EXD1: variants seen among roughly 807,000 people sequenced by gnomAD.
EXD1 encodes the protein exonuclease 3'-5' domain containing 1, also known as piRNA biogenesis protein EXD1.
In EXD1, 63 loss-of-function variants were observed where a neutral mutation model predicts 49.1. The ratio of observed to expected loss-of-function variants is 1.28; its 90% confidence interval spans 1.05 to 1.58. The LOEUF (loss-of-function observed/expected upper bound fraction) is 1.58. EXD1 is among the 40% of genes most tolerant of loss of function. The probability of loss-of-function intolerance (pLI) is 0.00; values close to 1 mark genes in which losing one functional copy is unlikely to be tolerated. For synonymous variants in EXD1, 234 were observed against 239.2 expected (o/e 0.98, Z 0.20); for missense variants, 748 against 666.0 (o/e 1.12, Z -1.36).
chr15:41,199,739 GTC>G lies in EXD1; in HGVS notation c.535-3704_535-3703del, dbSNP rs373166704. On this transcript the variant is annotated intron_variant, in intron 7 of 11. Transcript: ENST00000458580. ...ATGATATATTATATATGATATATAT[GTC>G]ATATATTATATATGATACATATATG... Among the ~76,000 whole-genome samples the G allele has an allele frequency of 1.1e-3, 84 of 79,254 alleles. 7 individuals are homozygous for G. The highest frequency in any genetic ancestry group is 2.8e-3 in the African/African-American group (55 of 19,316). 52.0% of individuals were successfully genotyped at this position (79,254 alleles called of 152,430 possible).
intron 7 of EXD1, among the ~76,000 whole-genome samples, chr15:41,199,768 T>TATATAATATATCACATATATG (rs1566980823): frequency 5.2e-5 from 7 of 134,122 alleles, no homozygotes; most frequent in South Asian, 2.2e-4. Context: ...ACATATATGA[T>TATATAATATATCACATATATG]ATATATGTCA....
At position 41,184,162 on chromosome 15, in the gene EXD1, C is replaced by T; in HGVS notation, c.1488G>A (p.Gln496=). The part of the protein sequence containing the change: ...EHFMTPKHEF[Q]ASLSLKEETE... ...TCTCCTCTTTCAAAGATAAACTTGC[C>T]TGAAACTCATGTTTGGGTGTCATAA... The change falls in exon 12 of 12, where the codon CAG becomes CAA. Residue 496 remains glutamine (Q), a synonymous_variant. Transcript: ENST00000458580. The T allele has an allele frequency of 1.9e-6, 3 of 1,614,170 alleles. No homozygotes were observed. Among genetic ancestry groups the T allele is most frequent in the Non-Finnish European group, 2.5e-6 (3 of 1,180,038 alleles).
chr15:41,222,510 T>C (rs2047104073), intron 2 of EXD1, among the ~76,000 whole-genome samples: 1 of 152,222 alleles, frequency 6.6e-6, no homozygotes, highest in Non-Finnish European at 1.5e-5. Flanking sequence ...CAAGCACTTC[T>C]AGGTACGAAT....
intron 2 of EXD1, among the ~76,000 whole-genome samples, chr15:41,222,134 G>A (rs1437768357): frequency 1.3e-5 from 2 of 151,970 alleles, no homozygotes; most frequent in African/African-American, 2.4e-5. Flanking sequence ...TTCAAACGGG[G>A]CCAGGCACGG....
intron 2 of EXD1, among the ~76,000 whole-genome samples, chr15:41,224,093 C>T (rs993200652): frequency 5.9e-4 from 90 of 152,006 alleles, no homozygotes; most frequent in Non-Finnish European, 1.3e-4. Context: ...GTGCCCGCCA[C>T]CATGCCCGGC....
intron 6 of EXD1, among the ~76,000 whole-genome samples, chr15:41,211,795 T>TAAAAAA (rs57945609): frequency 2.5e-5 from 3 of 119,612 alleles, no homozygotes; most frequent in African/African-American, 6.8e-5. Context: ...CCTCATTTCT[T>TAAAAAA]AAAAAAAAAA....
rs1227449213 is a variant in EXD1 at position 41,191,476 on chromosome 15, A to G, written c.830T>C (p.Leu277Pro). The G allele has an allele frequency of 1.7e-5, 28 of 1,612,174 alleles. No homozygotes were observed. Among genetic ancestry groups the G allele is most frequent in the Non-Finnish European group, 2.1e-5 (25 of 1,178,582 alleles). Reference sequence around the variant, plus strand: ...TTTTTGTCTCTTTTCTAGAAAGGAGAGATATTTAGGGGCTACTTGAAGGTG... The same window carrying G: ...TTTTTGTCTCTTTTCTAGAAAGGAGGGATATTTAGGGGCTACTTGAAGGTG... ...IKHLQVAPKY[L>P]SFLEKRQKLI... The change falls in exon 10 of 12, where the codon CTC becomes CCC. Residue 277 changes from leucine (L) to proline (P), a missense_variant. By Grantham distance (98) the Leu-to-Pro change is moderately conservative. Coordinates refer to ENST00000458580, the MANE Select transcript of EXD1 (RefSeq NM_001286441.2).
chr15:41,214,059 C>T (rs1050893886), intron 6 of EXD1, among the ~76,000 whole-genome samples: 4 of 151,918 alleles, frequency 2.6e-5, no homozygotes, highest in African/African-American at 7.3e-5. Flanking sequence ...CCCAGCTACT[C>T]GGGAGGCTGA....
chr15:41,193,998 G>GTTTTTT (rs2046571329), intron 9 of EXD1, among the ~76,000 whole-genome samples: 1 of 128,480 alleles, frequency 7.8e-6, no homozygotes, highest in African/African-American at 3.0e-5. Context: ...AATGACAAGT[G>GTTTTTT]ATTTTTTTTT....
intron 10 of EXD1, 27 bp downstream of exon 10, chr15:41,191,415 G>C: frequency 1.3e-6 from 2 of 1,528,824 alleles, no homozygotes; most frequent in Non-Finnish European, 1.8e-6. Context: ...AAAAAATAAT[G>C]TCATACAGGA....
chr15:41,220,315 G>C (rs1459774382), intron 2 of EXD1, among the ~76,000 whole-genome samples: 1 of 151,104 alleles, frequency 6.6e-6, no homozygotes, highest in African/African-American at 2.4e-5. Context: ...CTGTCACGTA[G>C]GCTGCAGTGC....
chr15:41,221,878 G>A (rs956277154), intron 2 of EXD1, among the ~76,000 whole-genome samples: 2 of 151,908 alleles, frequency 1.3e-5, no homozygotes, highest in Non-Finnish European at 2.9e-5. Flanking sequence ...GAGGCGGGTG[G>A]ATCATGAGGT....
intron 1 of EXD1, among the ~76,000 whole-genome samples, chr15:41,227,181 A>G (rs776417669): frequency 2.0e-5 from 3 of 152,224 alleles, no homozygotes; most frequent in Admixed American, 6.5e-5. Context: ...GGCAAGTAGG[A>G]CAATAGTGGT....
At chr15:41,197,251 G>A (rs1280696110) in intron 7 of EXD1, among the ~76,000 whole-genome samples, 2 of 139,842 alleles carry the variant, frequency 1.4e-5, no homozygotes, top group Admixed American at 7.5e-5. Context: ...TTTTTGAGAC[G>A]GAGTCTTGCT....
At chr15:41,205,702 GGAAGGAGGGAAGGAGA>G (rs371038342) in intron 7 of EXD1, among the ~76,000 whole-genome samples, 20,389 of 140,136 alleles carry the variant, frequency 0.15, 2,440 homozygotes, top group African/African-American at 0.35. Flanking sequence ...AAAAAAGTAA[GGAAGGAGGGAAGGAGA>G]GAAGGAGGGA....
intron 7 of EXD1, among the ~76,000 whole-genome samples, chr15:41,205,271 A>AGGG (rs2046804126): frequency 1.3e-5 from 2 of 152,260 alleles, no homozygotes; most frequent in East Asian, 3.9e-4. Flanking sequence ...TTGGAACAGG[A>AGGG]GGGTAGAGGG....
At chr15:41,206,754 T>C (rs561673983) in intron 7 of EXD1, among the ~76,000 whole-genome samples, 1 of 148,364 alleles carries the variant, frequency 6.7e-6, no homozygotes, top group Non-Finnish European at 1.5e-5. Flanking sequence ...CATTAGTAGC[T>C]AGGATTATAG....
In EXD1 at chr15:41,203,944, A is replaced by AAAAC. The variant is rs2046776904; in HGVS notation, c.534+5556_534+5557insGTTT. Among the ~76,000 whole-genome samples the AAAAC allele has an allele frequency of 5.3e-4, 74 of 139,920 alleles. 1 individual carries two copies. The highest frequency in any genetic ancestry group is 1.8e-3 in the African/African-American group (66 of 36,936). 91.8% of individuals were successfully genotyped at this position (139,920 alleles called of 152,430 possible). On this transcript the variant is annotated intron_variant, in intron 7 of 11. Transcript: ENST00000458580. ...AAAAAAAAAAAAAAAAAAAAAAAAA[A>AAAAC]CCCTAAAAATATTACTCTAGGCCAG...
chr15:41,217,753 C>A (rs1279408730), intron 3 of EXD1, among the ~76,000 whole-genome samples: 1 of 152,028 alleles, frequency 6.6e-6, no homozygotes, highest in Non-Finnish European at 1.5e-5. Context: ...CCAGGCTGGT[C>A]TCAATCTCTT....
Sources: gnomAD v4.1 joint callset for allele counts (sites outside exome capture counted in the v4.1 genomes callset) on GRCh38, gnomAD v4.1.1 for gene constraint, MANE v1.5 for transcripts, NCBI Gene and HGNC (gene_info 2026-07-23, HGNC 2026-07-21) for gene names.